TLN2: variants seen among roughly 807,000 people sequenced by gnomAD.
The protein encoded by TLN2 is talin 2.
In TLN2, 118 loss-of-function variants were observed where a neutral mutation model predicts 294.7. The observed-to-expected ratio is 0.40, with a 90% CI of 0.34 to 0.47. TLN2 has a LOEUF of 0.47. Ranked by LOEUF, TLN2 falls within the 20% of genes least tolerant of loss-of-function variation. TLN2 has a pLI of 0.84. For missense variants in TLN2, 3,083 were observed against 3,282.2 expected (o/e 0.94, Z 1.48); for synonymous variants, 1,431 against 1,304.5 (o/e 1.10, Z -2.09).
chr15:62,573,044 G>A (rs1338728704), intron 1 of TLN2, among the ~76,000 whole-genome samples: 1 of 152,138 alleles, frequency 6.6e-6, no homozygotes, highest in Non-Finnish European at 1.5e-5. Flanking sequence ...AGGCCAACCC[G>A]TAACAACTCA....
intron 1 of TLN2, among the ~76,000 whole-genome samples, chr15:62,403,249 G>A (rs1033276852): frequency 6.6e-6 from 1 of 150,524 alleles, no homozygotes; most frequent in African/African-American, 2.4e-5. Context: ...AAAAAAAACA[G>A]CAGGAAGAAA....
At chr15:62,393,864 TCCGA>T in intron 1 of TLN2, among the ~76,000 whole-genome samples, 1 of 150,896 alleles carries the variant, frequency 6.6e-6, no homozygotes. Context: ...TTTTTTTTTT[TCCGA>T]GATGGAGTCT....
intron 1 of TLN2, among the ~76,000 whole-genome samples, chr15:62,519,265 T>G (rs1272675442): frequency 2.6e-5 from 4 of 152,230 alleles, no homozygotes; most frequent in African/African-American, 7.2e-5. Flanking sequence ...GTTGGCCGTC[T>G]CAGTACCTTT....
At chr15:62,739,986 C>T (rs765891804) in intron 31 of TLN2, among the ~76,000 whole-genome samples, 2 of 151,808 alleles carry the variant, frequency 1.3e-5, no homozygotes, top group Non-Finnish European at 2.9e-5. Flanking sequence ...ACAGATAAAC[C>T]CCTTGTTTAG....
chr15:62,670,502 G>T (rs2055269366), intron 9 of TLN2, among the ~76,000 whole-genome samples: 1 of 152,150 alleles, frequency 6.6e-6, no homozygotes, highest in African/African-American at 2.4e-5. Context: ...TATCTAAACT[G>T]CTGCAGATTA....
Position 62,753,857 on chromosome 15 carries a change from A to G in TLN2, c.4417A>G (p.Asn1473Asp). 2 of 1,611,872 alleles carry G rather than the reference A, an allele frequency of 1.2e-6. No homozygotes were observed. The highest frequency in any genetic ancestry group is 1.7e-6 in the Non-Finnish European group (2 of 1,179,158). ...LVDPIQFARA[N>D]QAIQMACQNL... ...GGACCCCATCCAGTTTGCCAGGGCT[A>G]ACCAGGCCATCCAGATGGCATGCCA... The change falls in exon 36 of 59, where the codon AAC becomes GAC. Residue 1473 changes from asparagine (N) to aspartate (D), a missense_variant. Asn to Asp is a conservative substitution (Grantham distance 23). Coordinates refer to ENST00000636159, the MANE Select transcript of TLN2 (RefSeq NM_015059.3).
intron 1 of TLN2, among the ~76,000 whole-genome samples, chr15:62,467,989 A>G (rs1338450577): frequency 6.6e-6 from 1 of 152,238 alleles, no homozygotes; most frequent in African/African-American, 2.4e-5. Context: ...ATCACCAGGC[A>G]GAGCCTTAGA....
At chr15:62,539,093 C>T (rs915929120) in intron 1 of TLN2, among the ~76,000 whole-genome samples, 3 of 152,282 alleles carry the variant, frequency 2.0e-5, no homozygotes, top group South Asian at 2.1e-4. Context: ...GCTTACCTGC[C>T]GGCAAAGATT....
At chr15:62,740,292 C>T (rs1029863391) in intron 31 of TLN2, among the ~76,000 whole-genome samples, 7 of 152,194 alleles carry the variant, frequency 4.6e-5, no homozygotes, top group Non-Finnish European at 7.4e-5. Context: ...ATGCTGGAAT[C>T]GCTGCCTGGT....
At position 62,462,092 on chromosome 15, in the gene TLN2, G is replaced by A. The variant is rs144958541; in HGVS notation, c.-238+71407G>A. ...AAAATACAAAATACAAAAATTAGCC[G>A]GGCGTGGTGGCGGGTGCCTGTAGTC... On this transcript the variant is annotated intron_variant, in intron 1 of 58. Coordinates refer to ENST00000636159, the MANE Select transcript of TLN2 (RefSeq NM_015059.3). 7.5e-3 allele frequency among the ~76,000 whole-genome samples: 1,147 copies of A among 152,248 alleles called. 12 individuals are homozygous for A. Among genetic ancestry groups the A allele is most frequent in the African/African-American group, 0.025 (1,053 of 41,570 alleles).
At chr15:62,755,014 G>A (rs1252347661) in intron 36 of TLN2, 1 of 152,836 alleles carries the variant, frequency 6.5e-6, no homozygotes, top group African/African-American at 2.4e-5. Flanking sequence ...TTGTAAATAT[G>A]CAGTGCACAC....
chr15:62,571,996 C>A (rs571029737), intron 1 of TLN2, among the ~76,000 whole-genome samples: 1 of 152,154 alleles, frequency 6.6e-6, no homozygotes, highest in Non-Finnish European at 1.5e-5. Flanking sequence ...TCTTTTGTGC[C>A]TTTGTGTCTG....
intron 1 of TLN2, among the ~76,000 whole-genome samples, chr15:62,434,054 A>G (rs2035164348): frequency 6.7e-6 from 1 of 148,388 alleles, no homozygotes; most frequent in South Asian, 2.1e-4. Flanking sequence ...TTTCTTTTTA[A>G]TACAATTTTA....
chr15:62,675,381 A>T, intron 11 of TLN2, 60 bp downstream of exon 11: 2 of 1,565,366 alleles, frequency 1.3e-6, no homozygotes, highest in Non-Finnish European at 1.8e-6. Flanking sequence ...CTTTTGTTCA[A>T]GCGTTTGCTG....
intron 11 of TLN2, chr15:62,684,048 C>G (rs2057089145): frequency 6.6e-6 from 1 of 152,358 alleles, no homozygotes; most frequent in Non-Finnish European, 1.5e-5. Context: ...ATGGTGGTCT[C>G]TGTTGCCAGT....
intron 1 of TLN2, among the ~76,000 whole-genome samples, chr15:62,556,283 C>T (rs1183372110): frequency 2.0e-5 from 3 of 150,584 alleles, no homozygotes; most frequent in Non-Finnish European, 4.4e-5. Context: ...TTTTAAATGC[C>T]ATTTTCTTTT....
chr15:62,706,404 T>C (rs1002235668), intron 19 of TLN2, among the ~76,000 whole-genome samples: 1 of 152,284 alleles, frequency 6.6e-6, no homozygotes, highest in Admixed American at 6.5e-5. Flanking sequence ...GACCATCTTA[T>C]AGCTAGTGTA....
chr15:62,630,011 C>G (rs898820555), intron 3 of TLN2, among the ~76,000 whole-genome samples: 12 of 152,072 alleles, frequency 7.9e-5, no homozygotes, highest in Admixed American at 1.3e-4. Context: ...AGGAAATTAT[C>G]TTTTTTTGTT....
chr15:62,411,923 C>A (rs985874658), intron 1 of TLN2, among the ~76,000 whole-genome samples: 12 of 152,148 alleles, frequency 7.9e-5, no homozygotes, highest in African/African-American at 2.9e-4. Flanking sequence ...TGAACTAGTT[C>A]AGGGTTTCCC....
Sources: gnomAD v4.1 joint callset for allele counts (sites outside exome capture counted in the v4.1 genomes callset) on GRCh38, gnomAD v4.1.1 for gene constraint, MANE v1.5 for transcripts, NCBI Gene and HGNC (gene_info 2026-07-23, HGNC 2026-07-21) for gene names.